Variants in SCLT1 observed in about 807,000 individuals in gnomAD.
The protein encoded by SCLT1 is sodium channel and clathrin linker 1.
Under a neutral mutation model 112.8 loss-of-function variants are expected in SCLT1, and 78 were observed. That is an observed-to-expected ratio of 0.69 (90% CI 0.58 to 0.83). The LOEUF is 0.83. Ranked by LOEUF, SCLT1 falls within the 40% of genes least tolerant of loss-of-function variation. The pLI, the probability that SCLT1 is intolerant of heterozygous loss-of-function variation, is 0.00. For synonymous variants in SCLT1, 257 were observed against 254.7 expected (o/e 1.01, Z -0.09); for missense variants, 747 against 770.4 (o/e 0.97, Z 0.36).
intron 17 of SCLT1, among the ~76,000 whole-genome samples, chr4:128,942,222 A>G (rs1737757132): frequency 6.6e-6 from 1 of 152,094 alleles, no homozygotes; most frequent in Non-Finnish European, 1.5e-5. Context: ...GAGGCATTCA[A>G]TAAATTTATG....
chr4:129,065,999 A>C lies in SCLT1; in HGVS notation c.102+16307T>G, dbSNP rs1750454012. Among the ~76,000 whole-genome samples the C allele has an allele frequency of 2.6e-5, 4 of 152,032 alleles. No homozygotes were observed. In the South Asian group the frequency reaches 8.3e-4, roughly 32 times the overall value. On this transcript the variant is annotated intron_variant, in intron 2 of 20. Transcript: ENST00000281142. ...AAAACATCAAATAATAAATGCTGGA[A>C]GCAATGGTTATTATACAGAGAAAAA... is the stretch of plus-strand genomic sequence containing the variant.
intron 5 of SCLT1, among the ~76,000 whole-genome samples, chr4:129,009,256 C>T (rs1365327689): frequency 6.6e-6 from 1 of 152,158 alleles, no homozygotes; most frequent in African/African-American, 2.4e-5. Flanking sequence ...TGGCTCACGC[C>T]TATAATCCCA....
At chr4:129,027,149 C>A (rs139907008) in intron 5 of SCLT1, among the ~76,000 whole-genome samples, 1 of 151,884 alleles carries the variant, frequency 6.6e-6, no homozygotes, top group East Asian at 1.9e-4. Flanking sequence ...CCATTCCTTC[C>A]GAAACTATTC....
intron 2 of SCLT1, among the ~76,000 whole-genome samples, chr4:129,050,413 T>G (rs1748667797): frequency 6.6e-6 from 1 of 152,206 alleles, no homozygotes; most frequent in South Asian, 2.1e-4. Context: ...TTCTTGACTT[T>G]TTAATGATCG....
intron 11 of SCLT1, among the ~76,000 whole-genome samples, chr4:128,963,615 T>C (rs756686351): frequency 6.6e-6 from 1 of 152,210 alleles, no homozygotes; most frequent in Non-Finnish European, 1.5e-5. Flanking sequence ...TCCTGTTCAA[T>C]AGGCATAAAA....
At chr4:128,925,012 A>C (rs1736182092) in intron 18 of SCLT1, among the ~76,000 whole-genome samples, 1 of 152,128 alleles carries the variant, frequency 6.6e-6, no homozygotes, top group South Asian at 2.1e-4. Flanking sequence ...TAGACCCATA[A>C]AGAGACCAAC....
intron 5 of SCLT1, among the ~76,000 whole-genome samples, chr4:129,021,395 C>T (rs1023105412): frequency 6.6e-6 from 1 of 152,156 alleles, no homozygotes; most frequent in African/African-American, 2.4e-5. Context: ...TGGTCTTGCT[C>T]GGCGGGTCCA....
intron 9 of SCLT1, among the ~76,000 whole-genome samples, chr4:128,983,775 C>A (rs1304149389): frequency 6.6e-6 from 1 of 152,156 alleles, no homozygotes; most frequent in Non-Finnish European, 1.5e-5. Context: ...TTTTGCACCA[C>A]ACTATCAGAC....
intron 20 of SCLT1, among the ~76,000 whole-genome samples, chr4:128,885,674 G>C (rs1479809100): frequency 6.6e-6 from 1 of 152,132 alleles, no homozygotes; most frequent in Non-Finnish European, 1.5e-5. Context: ...AATGTTTCCA[G>C]GTGCAAGTGT....
intron 5 of SCLT1, among the ~76,000 whole-genome samples, chr4:129,031,498 A>G (rs577514298): frequency 6.6e-6 from 1 of 152,262 alleles, no homozygotes; most frequent in South Asian, 2.1e-4. Context: ...AGGATATTCA[A>G]ATAGGAAGAG....
chr4:128,910,802 A>G (rs1217221734), intron 18 of SCLT1, among the ~76,000 whole-genome samples: 1 of 152,154 alleles, frequency 6.6e-6, no homozygotes, highest in Non-Finnish European at 1.5e-5. Flanking sequence ...ATGATTTGAA[A>G]TACCACCATT....
chr4:129,077,311 T>A (rs1751550991), intron 2 of SCLT1, among the ~76,000 whole-genome samples: 1 of 152,136 alleles, frequency 6.6e-6, no homozygotes, highest in African/African-American at 2.4e-5. Flanking sequence ...TTTTCCAATA[T>A]CATAAAAAGA....
Position 129,070,578 on chromosome 4 carries a change from T to C in SCLT1, c.102+11728A>G, listed in dbSNP as rs188013804. ...TTCATAGTAGACTTAAATGATCTTTTGTATTTCAGTGGTGACAGTTGTAAT... is the reference window on the plus strand; with the variant it reads ...TTCATAGTAGACTTAAATGATCTTTCGTATTTCAGTGGTGACAGTTGTAAT... On this transcript the variant is annotated intron_variant, in intron 2 of 20. Transcript: ENST00000281142. Among the ~76,000 whole-genome samples the C allele has an allele frequency of 5.3e-5, 8 of 152,334 alleles. No homozygotes were observed. In the East Asian group the frequency reaches 1.2e-3, roughly 22 times the overall value.
At chr4:129,058,327 G>A (rs1251466080) in intron 2 of SCLT1, among the ~76,000 whole-genome samples, 1 of 151,916 alleles carries the variant, frequency 6.6e-6, no homozygotes, top group Non-Finnish European at 1.5e-5. Context: ...GTTAATTGAA[G>A]TCTTTCTATT....
chr4:128,943,056 C>A lies in SCLT1; in HGVS notation c.1572G>T (p.Arg524=). The A allele has an allele frequency of 1.2e-6, 2 of 1,613,268 alleles. No homozygotes were observed. The highest frequency in any genetic ancestry group is 1.3e-5 in the African/African-American group (1 of 74,972). ...TCTTCCTTAAACTCTCAGTCTCTTT[C>A]CGTAACTGTTTATTTTCTTGCTGAA... is the stretch of plus-strand genomic sequence containing the variant. The part of the protein sequence containing the change: ...LKLQQENKQL[R]KETESLRKIA... Residue 524 remains arginine, a synonymous_variant, in exon 17 of 21, where the codon CGG becomes CGT. Coordinates refer to ENST00000281142, the MANE Select transcript of SCLT1 (RefSeq NM_144643.4).
chr4:129,018,072 C>T (rs1051685287), intron 5 of SCLT1, among the ~76,000 whole-genome samples: 2 of 152,248 alleles, frequency 1.3e-5, no homozygotes, highest in African/African-American at 2.4e-5. Flanking sequence ...CAACACCCTG[C>T]CTTAGCTTTG....
intron 5 of SCLT1, among the ~76,000 whole-genome samples, chr4:129,006,264 G>A (rs1009271391): frequency 1.3e-5 from 2 of 152,086 alleles, no homozygotes; most frequent in African/African-American, 2.4e-5. Flanking sequence ...TTTTAGCCAG[G>A]TTCGGTGGCT....
At chr4:128,893,330 CTT>C (rs1235160778) in intron 18 of SCLT1, among the ~76,000 whole-genome samples, 2 of 152,108 alleles carry the variant, frequency 1.3e-5, no homozygotes, top group African/African-American at 4.8e-5. Context: ...ATATTTATCT[CTT>C]TATATATCAA....
chr4:128,943,032 C>A lies in SCLT1; in HGVS notation c.1596G>T (p.Lys532Asn). Residue 532 changes from lysine (K) to asparagine (N), a missense_variant, in exon 17 of 21, where the codon AAG becomes AAT. Lys to Asn is a moderately conservative substitution (Grantham distance 94, BLOSUM62 0). Coordinates refer to ENST00000281142, the MANE Select transcript of SCLT1 (RefSeq NM_144643.4). ...CTTTTTTTTGAGCCTCCAGGGCAAT[C>A]TTCCTTAAACTCTCAGTCTCTTTCC... is the stretch of plus-strand genomic sequence containing the variant. ...QLRKETESLRKIALEAQKKAK... is the reference protein window; with the variant it reads ...QLRKETESLRNIALEAQKKAK... The A allele has an allele frequency of 1.2e-6, 2 of 1,611,896 alleles. No individual in the cohort carries two copies. Among genetic ancestry groups the A allele is most frequent in the East Asian group, 4.5e-5 (2 of 44,808 alleles).
Sources: gnomAD v4.1 joint callset for allele counts (sites outside exome capture counted in the v4.1 genomes callset) on GRCh38, gnomAD v4.1.1 for gene constraint, MANE v1.5 for transcripts, NCBI Gene and HGNC (gene_info 2026-07-23, HGNC 2026-07-21) for gene names.